Variants in RPP14 observed in about 807,000 individuals in gnomAD.
The protein encoded by RPP14 is ribonuclease P protein subunit p14.
Under a neutral mutation model 17.8 loss-of-function variants are expected in RPP14, and 19 were observed. The ratio of observed to expected loss-of-function variants is 1.07; its 90% CI spans 0.74 to 1.57. The LOEUF (loss-of-function observed/expected upper bound fraction) is 1.57. Ranked by LOEUF, RPP14 falls within the 40% of genes most tolerant of loss-of-function variation. The probability of loss-of-function intolerance (pLI) is 0.00; values close to 1 mark genes in which losing one functional copy is unlikely to be tolerated. For synonymous variants in RPP14, 60 were observed against 56.4 expected (o/e 1.06, Z -0.29); for missense variants, 125 against 140.8 (o/e 0.89, Z 0.57).
In RPP14 at chr3:58,319,794, A is replaced by T. The variant is rs1031487827; in HGVS notation, c.*2298A>T. The stretch of plus-strand genomic sequence containing the variant: ...AACACAGCCAACACTTTTGTTTCCC[A>T]TTTTTTTTTGTTTCCCGTTTTTTAA... On this transcript the variant is annotated 3_prime_UTR_variant, in exon 6 of 6. Transcript: ENST00000295959. The T allele has an allele frequency of 8.0e-5, 12 of 150,648 alleles. No individual in the cohort carries two copies. Among genetic ancestry groups the T allele is most frequent in the African/African-American group, 1.9e-4 (8 of 41,034 alleles). 9.3% of individuals were successfully genotyped at this position (150,648 alleles called of 1,614,324 possible). A position where few individuals can be genotyped will look rare whatever the true frequency, so the allele number is the denominator to read the frequency against.
chr3:58,314,069 C>T (rs2097485255), intron 3 of RPP14, among the ~76,000 whole-genome samples: 1 of 151,984 alleles, frequency 6.6e-6, no homozygotes, highest in Admixed American at 6.6e-5. Flanking sequence ...AATAATAACA[C>T]ATGGGGCGTG....
rs757224322 is a variant in RPP14 at position 58,310,497 on chromosome 3, C to CT, written c.78-3dup. 65 of 1,590,294 alleles carry CT rather than the reference C, an allele frequency of 4.1e-5. No individual in the cohort carries two copies. The African/African-American group carries it at 4.4e-4, about 11-fold the overall frequency. On this transcript the variant is annotated splice_polypyrimidine_tract_variant and intron_variant, in intron 2 of 5. Coordinates refer to ENST00000295959, the MANE Select transcript of RPP14 (RefSeq NM_007042.6). ...TTTAATATGACTTTTTTTTTTTTCA[C>CT]TTTTTTTAGAGAATTTCAAGATTGT...
At chr3:58,312,228 G>T (rs1427) in intron 3 of RPP14, among the ~76,000 whole-genome samples, 6,126 of 152,086 alleles carry the variant, frequency 0.04, 187 homozygotes, top group Non-Finnish European at 0.059. Flanking sequence ...CCAGTAGTGT[G>T]TGAGGGTTCC....
At chr3:58,310,281 C>A in intron 1 of RPP14, 28 bp from the exon 2 acceptor site, 2 of 1,535,456 alleles carry the variant, frequency 1.3e-6, no homozygotes, top group South Asian at 2.3e-5. Flanking sequence ...GTGCATTGGT[C>A]ATTTCTAGCC....
chr3:58,316,499 A>G lies in RPP14; in HGVS notation c.163-16A>G, dbSNP rs1277786794. ...ATGGTGAGAATAGCCTGCTAATAGCATTATTCCATATGCAGGTTGATGCCG... is the reference window on the plus strand; with the variant it reads ...ATGGTGAGAATAGCCTGCTAATAGCGTTATTCCATATGCAGGTTGATGCCG... On this transcript the variant is annotated splice_polypyrimidine_tract_variant and intron_variant, in intron 3 of 5. Coordinates refer to ENST00000295959, the MANE Select transcript of RPP14 (RefSeq NM_007042.6). 6.2e-7 allele frequency: 1 copy of G among 1,608,950 alleles called. No individual in the cohort carries two copies. The highest frequency in any genetic ancestry group is 8.5e-7 in the Non-Finnish European group (1 of 1,175,304).
intron 1 of RPP14, among the ~76,000 whole-genome samples, chr3:58,308,289 T>C (rs2097477904): frequency 6.6e-6 from 1 of 152,018 alleles, no homozygotes; most frequent in Non-Finnish European, 1.5e-5. Context: ...GTATTTTTTG[T>C]TTGTTTGTTT....
chr3:58,306,954 G>C (rs534414820), intron 1 of RPP14, among the ~76,000 whole-genome samples: 1 of 152,228 alleles, frequency 6.6e-6, no homozygotes, highest in Admixed American at 6.5e-5. Flanking sequence ...TGGGGGTGGG[G>C]TGCGGTGTTA....
Position 58,310,379 on chromosome 3 carries a change from C to T in RPP14, c.50C>T (p.Ser17Phe). ...GAAAGAGTAGTTTACAAAAACCCTT[C>T]CGAGTACCACTACATGAAAGTCTGC... Reference protein sequence around the residue: ...TYERVVYKNPSEYHYMKVCLE... With the variant: ...TYERVVYKNPFEYHYMKVCLE... Residue 17 changes from serine (S) to phenylalanine (F), a missense_variant, in exon 2 of 6, where the codon TCC becomes TTC. By Grantham distance (155) the Ser-to-Phe change is radical. Transcript: ENST00000295959. 6.2e-7 allele frequency: 1 copy of T among 1,614,142 alleles called. No individual in the cohort carries two copies. Among genetic ancestry groups the T allele is most frequent in the Non-Finnish European group, 8.5e-7 (1 of 1,180,006 alleles).
In RPP14 at chr3:58,319,064, A is replaced by G. The variant is rs1362229820; in HGVS notation, c.*1568A>G. 3 of 152,164 alleles carry G rather than the reference A, an allele frequency of 2.0e-5. No homozygotes were observed. Among genetic ancestry groups the G allele is most frequent in the African/African-American group, 7.2e-5 (3 of 41,446 alleles). 9.4% of individuals were successfully genotyped at this position (152,164 alleles called of 1,614,324 possible). ...ATTTGCATTTGGATAACAAATCCCTACCTATAGCCATGTGGAAGCAGCTTG... is the reference window on the plus strand; with the variant it reads ...ATTTGCATTTGGATAACAAATCCCTGCCTATAGCCATGTGGAAGCAGCTTG... On this transcript the variant is annotated 3_prime_UTR_variant, in exon 6 of 6. Coordinates refer to ENST00000295959, the MANE Select transcript of RPP14 (RefSeq NM_007042.6).
At chr3:58,316,829 A>C in intron 4 of RPP14, 86 bp from the exon 5 acceptor site, 1 of 1,200,108 alleles carries the variant, frequency 8.3e-7, no homozygotes, top group South Asian at 1.3e-5. Flanking sequence ...TTGCAAAGTC[A>C]GAAGTGAATA....
At chr3:58,315,655 C>A (rs76577409) in intron 3 of RPP14, 6,971 of 152,226 alleles carry the variant, frequency 0.046, 560 homozygotes, top group African/African-American at 0.16. Flanking sequence ...GTGCATGAAC[C>A]TCCCTGTACA....
chr3:58,318,356 G>GT lies in RPP14; in HGVS notation c.*866dup. 1 of 393,268 alleles carries GT rather than the reference G, an allele frequency of 2.5e-6. No individual in the cohort carries two copies. The highest frequency in any genetic ancestry group is 2.1e-5 in the African/African-American group (1 of 48,158). The allele number at this position is 393,268 out of a possible 1,614,324, so 24.4% of individuals were successfully genotyped here. On this transcript the variant is annotated 3_prime_UTR_variant, in exon 6 of 6. Transcript: ENST00000295959. ...TGCCTGGGTTTTTTGTTTGTTTTTTGTTTTTTAATTCAAGAAGTAGGCTGG... is the reference window on the plus strand; with the variant it reads ...TGCCTGGGTTTTTTGTTTGTTTTTTGTTTTTTTAATTCAAGAAGTAGGCTGG...
Position 58,318,246 on chromosome 3 carries a change from GC to G in RPP14, c.*751del. 1 of 577,394 alleles carries G rather than the reference GC, an allele frequency of 1.7e-6. No homozygotes were observed. Among genetic ancestry groups the G allele is most frequent in the Non-Finnish European group, 3.0e-6 (1 of 329,512 alleles). 35.8% of individuals were successfully genotyped at this position (577,394 alleles called of 1,614,324 possible). A position where few individuals can be genotyped will look rare whatever the true frequency, so the allele number is the denominator to read the frequency against. ...AGCCCATCTTAGTTAGGGGAAGGGA[GC>G]AGGAAGAGGGTTGTTCAAATGCCCA... On this transcript the variant is annotated 3_prime_UTR_variant, in exon 6 of 6. Coordinates refer to ENST00000295959, the MANE Select transcript of RPP14 (RefSeq NM_007042.6).
rs781088222 is a variant in RPP14, at chr3:58,318,155, A to G, written c.*659A>G. The G allele has an allele frequency of 3.6e-5, 22 of 615,918 alleles. No homozygotes were observed. The highest frequency in any genetic ancestry group is 5.9e-4 in the Middle Eastern group (2 of 3,382). The allele number at this position is 615,918 out of a possible 1,614,324, so 38.2% of individuals were successfully genotyped here. The stretch of plus-strand genomic sequence containing the variant: ...TTTAAAGATGCAACCTCAAACACCA[A>G]TGCTGTTGTTAAAGAGCCTATGGGG... On this transcript the variant is annotated 3_prime_UTR_variant, in exon 6 of 6. Coordinates refer to ENST00000295959, the MANE Select transcript of RPP14 (RefSeq NM_007042.6).
At position 58,318,317 on chromosome 3, in the gene RPP14, A is replaced by G. The variant is rs774501241; in HGVS notation, c.*821A>G. On this transcript the variant is annotated 3_prime_UTR_variant, in exon 6 of 6. Transcript: ENST00000295959. ...GCTTCATGCAGACTTGAGTGTATGC[A>G]GGATTTCATTATCTGCCTGGGTTTT... is the stretch of plus-strand genomic sequence containing the variant. 5.2e-5 allele frequency: 24 copies of G among 458,630 alleles called. No homozygotes were observed. The highest frequency in any genetic ancestry group is 8.4e-5 in the Non-Finnish European group (22 of 261,860). 28.4% of individuals were successfully genotyped at this position (458,630 alleles called of 1,614,324 possible).
At chr3:58,314,792 C>G (rs1365975397) in intron 3 of RPP14, among the ~76,000 whole-genome samples, 2 of 146,542 alleles carry the variant, frequency 1.4e-5, no homozygotes, top group African/African-American at 5.0e-5. Flanking sequence ...TCAGGCGATT[C>G]TCCTGTCTCA....
chr3:58,309,871 G>T (rs1446556831), intron 1 of RPP14, among the ~76,000 whole-genome samples: 1 of 151,710 alleles, frequency 6.6e-6, no homozygotes, highest in African/African-American at 2.4e-5. Context: ...CAGCCTGGGC[G>T]ACAGAGCAAG....
At chr3:58,310,230 C>G in intron 1 of RPP14, 79 bp from the exon 2 acceptor site, 1 of 1,182,120 alleles carries the variant, frequency 8.5e-7, no homozygotes, top group Non-Finnish European at 1.2e-6. Flanking sequence ...AAAAAAAACC[C>G]AAATAGGCCA....
At chr3:58,307,865 C>CT (rs11293912) in intron 1 of RPP14, 33,088 of 144,226 alleles carry the variant, frequency 0.23, 5,317 homozygotes, top group East Asian at 0.81. Flanking sequence ...ATTTGTAAGT[C>CT]TTTTTTTTTT....
Sources: allele counts gnomAD v4.1 joint callset (sites outside exome capture counted in the v4.1 genomes callset), GRCh38; gene constraint gnomAD v4.1.1; transcripts MANE v1.5; gene names NCBI Gene and HGNC (gene_info 2026-07-23, HGNC 2026-07-21).